SLC6A13: variants seen among roughly 807,000 people sequenced by gnomAD.
The protein encoded by SLC6A13 is sodium- and chloride-dependent GABA transporter 2.
Under a neutral mutation model 72.9 loss-of-function variants are expected in SLC6A13, and 69 were observed. The observed-to-expected ratio is 0.95, with a 90% CI of 0.78 to 1.16. The LOEUF (loss-of-function observed/expected upper bound fraction) is 1.16, where lower values mean the gene tolerates loss of function less well. Ranked by LOEUF, SLC6A13 falls within the 50% of genes most tolerant of loss-of-function variation. SLC6A13 has a pLI of 0.00. For synonymous variants in SLC6A13, 303 were observed against 303.0 expected, an observed-to-expected ratio of 1.00 and a Z score of 0.00; for missense variants, 735 against 760.5, an observed-to-expected ratio of 0.97 and a Z score of 0.39.
chr12:250,850 A>AAAAAC (rs1170450846), intron 2 of SLC6A13, among the ~76,000 whole-genome samples: 2 of 150,816 alleles, frequency 1.3e-5, no homozygotes, highest in Non-Finnish European at 3.0e-5. Context: ...AAAAAAAAAA[A>AAAAAC]AACCTAAAAA....
chr12:229,181 C>A (rs76937861), intron 7 of SLC6A13, among the ~76,000 whole-genome samples: 6,022 of 152,148 alleles, frequency 0.04, 396 homozygotes, highest in African/African-American at 0.14. Context: ...TCACACAGAG[C>A]AGGAAATGCT....
rs1002414482 is a variant in SLC6A13, at chr12:236,014, C to G, written c.697-790G>C. Among the ~76,000 whole-genome samples, 4 of 152,200 alleles carry G rather than the reference C, an allele frequency of 2.6e-5. No individual in the cohort carries two copies. In the East Asian group the frequency reaches 7.7e-4, roughly 29 times the overall value. ...TCAGACCAGTTCTCTGCTCTTGAAC[C>G]CTATTTTCTGTTATTTAAGATGTTT... On this transcript the variant is annotated intron_variant, in intron 6 of 14. Coordinates refer to ENST00000343164, the MANE Select transcript of SLC6A13 (RefSeq NM_016615.5).
At chr12:248,320 G>A (rs1023967525) in intron 2 of SLC6A13, among the ~76,000 whole-genome samples, 40 of 149,878 alleles carry the variant, frequency 2.7e-4, no homozygotes, top group Non-Finnish European at 4.9e-4. Context: ...GAGAAATGGA[G>A]TGAACCCCGG....
chr12:238,379 A>C, intron 4 of SLC6A13: 1 of 1,291,520 alleles, frequency 7.7e-7, no homozygotes, highest in Non-Finnish European at 1.0e-6. Context: ...GATGTGTCAG[A>C]GTGGCCGAGA....
intron 2 of SLC6A13, among the ~76,000 whole-genome samples, chr12:247,407 A>C (rs940537785): frequency 1.3e-5 from 2 of 152,220 alleles, no homozygotes; most frequent in African/African-American, 4.8e-5. Flanking sequence ...AAACAATGCA[A>C]AAGAGAAGAC....
rs1156438103 is a variant in SLC6A13 at position 254,218 on chromosome 12, C to T, written c.202+5633G>A. Among the ~76,000 whole-genome samples, 2 of 152,226 alleles carry T rather than the reference C, an allele frequency of 1.3e-5. No individual in the cohort carries two copies. Among genetic ancestry groups the T allele is most frequent in the Admixed American group, 1.3e-4 (2 of 15,292 alleles). The stretch of plus-strand genomic sequence containing the variant: ...CCTCGCCAGCTCAGGGCCCCACCCC[C>T]GAGGAGTCTGGCCACTGGCACACTG... On this transcript the variant is annotated intron_variant, in intron 2 of 14. Coordinates refer to ENST00000343164, the MANE Select transcript of SLC6A13 (RefSeq NM_016615.5). This position sits in a 1 kb window ranked among gnomAD's most constrained non-coding sequence, Gnocchi z 4.4.
intron 9 of SLC6A13, among the ~76,000 whole-genome samples, chr12:224,730 G>A (rs1388378537): frequency 6.6e-6 from 1 of 152,200 alleles, no homozygotes; most frequent in East Asian, 1.9e-4. Context: ...ATTCTTACTG[G>A]CAAGAACAGA....
rs766632341 is a variant in SLC6A13, at chr12:221,015, C to G, written c.1742G>C (p.Gly581Ala). 3 of 1,612,402 alleles carry G rather than the reference C, an allele frequency of 1.9e-6. No individual in the cohort carries two copies. The highest frequency in any genetic ancestry group is 1.7e-6 in the Non-Finnish European group (2 of 1,179,760). The change falls in exon 15 of 15, where the codon GGA becomes GCA. Residue 581 changes from glycine (G) to alanine (A), a missense_variant. Gly to Ala is a moderately conservative substitution (Grantham distance 60). Transcript: ENST00000343164. ...AEDLPQRNPA[G>A]PSAPATPRTS... ...CCTGGGGGTGGCGGGAGCCGAGGGT[C>G]CTGCTGGGTTCCGCTGGGGCAGGTC... is the stretch of plus-strand genomic sequence containing the variant.
chr12:237,237 C>A lies in SLC6A13; in HGVS notation c.617G>T (p.Trp206Leu). Residue 206 changes from tryptophan to leucine, a missense_variant, in exon 6 of 15, where the codon TGG becomes TTG. Coordinates refer to ENST00000343164, the MANE Select transcript of SLC6A13 (RefSeq NM_016615.5). Reference protein sequence around the residue: ...DGIQHLGALRWELALCLLLAW... With the variant: ...DGIQHLGALRLELALCLLLAW... ...CAGCAGGAGGCACAGAGCCAGCTCC[C>A]AGCGCAGGGCCCCCAGGTGCTGGAT... is the stretch of plus-strand genomic sequence containing the variant. The A allele has an allele frequency of 6.2e-7, 1 of 1,614,034 alleles. No individual in the cohort carries two copies. The highest frequency in any genetic ancestry group is 1.3e-5 in the African/African-American group (1 of 75,014).
chr12:236,072 C>T (rs1328151646), intron 6 of SLC6A13, among the ~76,000 whole-genome samples: 1 of 152,140 alleles, frequency 6.6e-6, no homozygotes, highest in Non-Finnish European at 1.5e-5. Context: ...TGAACATAGA[C>T]CCTTATTAGT....
intron 2 of SLC6A13, among the ~76,000 whole-genome samples, chr12:258,451 A>G (rs1322047921): frequency 1.3e-5 from 2 of 152,162 alleles, no homozygotes; most frequent in East Asian, 3.8e-4. Flanking sequence ...TGTTGCTTTA[A>G]AGGACCTCAA....
intron 4 of SLC6A13, among the ~76,000 whole-genome samples, chr12:240,139 C>A (rs1942111061): frequency 6.6e-6 from 1 of 151,994 alleles, no homozygotes; most frequent in African/African-American, 2.4e-5. Flanking sequence ...GGTCTCAGTA[C>A]ACATAGATAT....
chr12:225,528 T>C (rs1174233825), intron 9 of SLC6A13, among the ~76,000 whole-genome samples: 1 of 152,162 alleles, frequency 6.6e-6, no homozygotes, highest in South Asian at 2.1e-4. Context: ...CACATGCCTG[T>C]AATCTCAGCT....
intron 1 of SLC6A13, among the ~76,000 whole-genome samples, chr12:260,916 C>T (rs907054234): frequency 6.6e-6 from 1 of 151,928 alleles, no homozygotes; most frequent in East Asian, 1.9e-4. Flanking sequence ...AAATAAAAGC[C>T]GGTTTTAAAA....
chr12:229,870 T>C (rs1400772917), intron 7 of SLC6A13, among the ~76,000 whole-genome samples: 1 of 152,072 alleles, frequency 6.6e-6, no homozygotes, highest in Non-Finnish European at 1.5e-5. Context: ...GACTTGGCCA[T>C]TTACCTCGCC....
At chr12:224,348 A>G in intron 10 of SLC6A13, 53 bp downstream of exon 10, 1 of 1,509,070 alleles carries the variant, frequency 6.6e-7, no homozygotes, top group Non-Finnish European at 9.2e-7. Flanking sequence ...CCTCCTCCCC[A>G]GCACACACCC....
At chr12:250,405 A>C (rs1031023205) in intron 2 of SLC6A13, among the ~76,000 whole-genome samples, 13 of 100,246 alleles carry the variant, frequency 1.3e-4, no homozygotes, top group African/African-American at 1.4e-4. Flanking sequence ...AATGCACACA[A>C]AAAAAAACCT....
chr12:260,154 C>T (rs1942881517), intron 1 of SLC6A13, 97 bp from the exon 2 acceptor site: 1 of 1,316,718 alleles, frequency 7.6e-7, no homozygotes, highest in South Asian at 1.4e-5. Context: ...AATGAATGCA[C>T]TGGAAGAGGT....
At chr12:227,390 A>G (rs1418155550) in intron 8 of SLC6A13, 175 bp downstream of exon 8, 2 of 659,398 alleles carry the variant, frequency 3.0e-6, no homozygotes, top group Non-Finnish European at 3.8e-6. Flanking sequence ...TTCTCTGTCC[A>G]TCTTGCAGTT....
Sources: gnomAD v4.1 joint callset for allele counts (sites outside exome capture counted in the v4.1 genomes callset) on GRCh38, gnomAD v4.1.1 for gene constraint, Gnocchi (gnomAD v3.1) non-coding constraint, MANE v1.5 for transcripts, NCBI Gene and HGNC (gene_info 2026-07-23, HGNC 2026-07-21) for gene names.